Variants in YTHDC2 observed in about 807,000 individuals in gnomAD.
YTHDC2 encodes YTH N6-methyladenosine RNA binding protein C2.
Under a neutral mutation model 174.9 loss-of-function variants are expected in YTHDC2, and 45 were observed. That is an observed-to-expected ratio of 0.26 (90% CI 0.20 to 0.33). The LOEUF is 0.33. Among genes scored for constraint, YTHDC2 ranks in the 10% least tolerant of loss-of-function variants. The pLI, the probability that YTHDC2 is intolerant of heterozygous loss-of-function variation, is 1.00. For missense variants in YTHDC2, 1,650 were observed against 1,723.7 expected, an observed-to-expected ratio of 0.96 and a Z score of 0.76; for synonymous variants, 657 against 574.5, an observed-to-expected ratio of 1.14 and a Z score of -2.05.
chr5:113,540,910 A>G (rs926653210), intron 8 of YTHDC2, 58 bp from the exon 9 acceptor site: 4 of 1,520,982 alleles, frequency 2.6e-6, no homozygotes, highest in Middle Eastern at 1.8e-4. Flanking sequence ...AAACAAAGGA[A>G]TACATTTCAA....
At chr5:113,542,001 TG>T (rs1239713217) in intron 9 of YTHDC2, among the ~76,000 whole-genome samples, 1 of 152,160 alleles carries the variant, frequency 6.6e-6, no homozygotes, top group Non-Finnish European at 1.5e-5. Context: ...GCACTTGCTC[TG>T]GGGTGGGACC....
intron 10 of YTHDC2, among the ~76,000 whole-genome samples, chr5:113,543,263 C>T (rs1007756181): frequency 6.6e-6 from 1 of 152,204 alleles, no homozygotes; most frequent in Non-Finnish European, 1.5e-5. Flanking sequence ...CCCCTCCCTA[C>T]GTACCTTCCT....
intron 28 of YTHDC2, 179 bp downstream of exon 28, chr5:113,592,357 C>T: frequency 2.0e-6 from 1 of 511,880 alleles, no homozygotes. Context: ...TGTCTGATTG[C>T]TCCTTGCAGT....
In YTHDC2 at chr5:113,524,098, A is replaced by G. The variant is rs116281231; in HGVS notation, c.279-883A>G. On this transcript the variant is annotated intron_variant, in intron 2 of 29. Transcript: ENST00000161863. Reference sequence around the variant, plus strand: ...TATATATTACTATTGTGTTGGGCTCAGAGCCATTAAGTAGTTTACCTGTAG... The same window carrying G: ...TATATATTACTATTGTGTTGGGCTCGGAGCCATTAAGTAGTTTACCTGTAG... Among the ~76,000 whole-genome samples, 833 of 152,298 alleles carry G rather than the reference A, an allele frequency of 5.5e-3. 2 individuals carry two copies. Among genetic ancestry groups the G allele is most frequent in the African/African-American group, 0.018 (758 of 41,578 alleles).
chr5:113,585,844 T>C (rs1778650211), intron 26 of YTHDC2, among the ~76,000 whole-genome samples: 1 of 151,816 alleles, frequency 6.6e-6, no homozygotes, highest in African/African-American at 2.4e-5. Flanking sequence ...AATTACTGAG[T>C]AGTATTCCAT....
intron 23 of YTHDC2, among the ~76,000 whole-genome samples, chr5:113,568,965 TAGTGTAATTTAATTACACAGTAGTGTAAA>T (rs1777538379): frequency 6.6e-6 from 1 of 152,190 alleles, no homozygotes. Flanking sequence ...TAATTTACAC[TAGTGTAATTTAATTACACAGTAGTGTAAA>T]AGTGTTCCTT....
Position 113,513,921 on chromosome 5 carries a change from C to A in YTHDC2, c.26C>A (p.Pro9Gln), listed in dbSNP as rs775318167. 4 of 1,605,576 alleles carry A rather than the reference C, an allele frequency of 2.5e-6. No individual in the cohort carries two copies. The African/African-American group carries it at 5.4e-5, about 21-fold the overall frequency. The change falls in exon 1 of 30, where the codon CCG becomes CAG. Residue 9 changes from proline to glutamine, a missense_variant. Pro to Gln is a moderately conservative substitution (Grantham distance 76, BLOSUM62 -1). Coordinates refer to ENST00000161863, the MANE Select transcript of YTHDC2 (RefSeq NM_022828.5). ...ATGTCCAGGCCGAGCAGCGTCTCCCCGCGGCAGCCGGCTCCTGGCGGTGGC... is the reference window on the plus strand; with the variant it reads ...ATGTCCAGGCCGAGCAGCGTCTCCCAGCGGCAGCCGGCTCCTGGCGGTGGC... MSRPSSVS[P>Q]RQPAPGGGGG... is the part of the protein sequence containing the mutation.
intron 20 of YTHDC2, among the ~76,000 whole-genome samples, chr5:113,565,477 C>A (rs1286890343): frequency 6.6e-6 from 1 of 152,104 alleles, no homozygotes; most frequent in African/African-American, 2.4e-5. Context: ...TTATAGAAAT[C>A]CTACTTTCCA....
rs1773178737 is a variant in YTHDC2, at chr5:113,513,766, T to A, written c.-130T>A. 8.1e-6 allele frequency: 8 copies of A among 992,142 alleles called. No individual in the cohort carries two copies. Among genetic ancestry groups the A allele is most frequent in the Non-Finnish European group, 1.4e-6 (1 of 711,434 alleles). The allele number at this position is 992,142 out of a possible 1,614,324, so 61.5% of individuals were successfully genotyped here. ...GTGGCGGTGACTGAGGCCTTTCTGGTGACCTCAGCCCAACACAGGCCGTCT... is the reference window on the plus strand; with the variant it reads ...GTGGCGGTGACTGAGGCCTTTCTGGAGACCTCAGCCCAACACAGGCCGTCT... On this transcript the variant is annotated 5_prime_UTR_variant, in exon 1 of 30. Coordinates refer to ENST00000161863, the MANE Select transcript of YTHDC2 (RefSeq NM_022828.5).
At chr5:113,585,480 C>T (rs899224922) in intron 26 of YTHDC2, among the ~76,000 whole-genome samples, 5 of 151,962 alleles carry the variant, frequency 3.3e-5, no homozygotes, top group Non-Finnish European at 5.9e-5. Context: ...TATTTATACA[C>T]CTTTATTAAG....
chr5:113,554,100 T>C, intron 16 of YTHDC2, 78 bp downstream of exon 16: 2 of 1,255,052 alleles, frequency 1.6e-6, no homozygotes, highest in Non-Finnish European at 2.1e-6. Flanking sequence ...TATTTATTAT[T>C]TAGTTGTTTT....
chr5:113,525,814 A>G (rs1054017368), intron 3 of YTHDC2, among the ~76,000 whole-genome samples: 3 of 152,182 alleles, frequency 2.0e-5, no homozygotes, highest in Admixed American at 1.3e-4. Flanking sequence ...CTATAGTGAT[A>G]AAATTTACAT....
chr5:113,575,369 G>A (rs956342209), intron 23 of YTHDC2, among the ~76,000 whole-genome samples: 2 of 152,140 alleles, frequency 1.3e-5, no homozygotes, highest in Non-Finnish European at 2.9e-5. Context: ...AGTAGTGAGG[G>A]TAGACAGACA....
rs775277024 is a variant in YTHDC2, at chr5:113,593,333, C to T, written c.4243C>T (p.Leu1415Phe). ...ELEPLVGEQL[L>F]QLWERLPLGE... Reference sequence around the variant, plus strand: ...AGAACCTCTGGTTGGTGAACAGTTGCTCCAGTTATGGGAACGTCTTCCCTT... The same window carrying T: ...AGAACCTCTGGTTGGTGAACAGTTGTTCCAGTTATGGGAACGTCTTCCCTT... Residue 1415 changes from leucine to phenylalanine, a missense_variant, in exon 29 of 30, where the codon CTC becomes TTC. Physicochemically the swap from Leu to Phe is conservative, Grantham distance 22. This residue lies in a region of YTHDC2 where 913 missense variants were observed against 940.4 expected (regional missense o/e 0.97). Coordinates refer to ENST00000161863, the MANE Select transcript of YTHDC2 (RefSeq NM_022828.5). The T allele has an allele frequency of 6.2e-7, 1 of 1,612,586 alleles. No homozygotes were observed. Among genetic ancestry groups the T allele is most frequent in the Non-Finnish European group, 8.5e-7 (1 of 1,179,106 alleles).
At chr5:113,551,847 TAAGA>T (rs1776272058) in intron 12 of YTHDC2, among the ~76,000 whole-genome samples, 2 of 152,170 alleles carry the variant, frequency 1.3e-5, no homozygotes, top group African/African-American at 4.8e-5. Flanking sequence ...CTAAATTCTT[TAAGA>T]GAGATTGGAT....
chr5:113,558,581 A>G (rs1012246668), intron 17 of YTHDC2, among the ~76,000 whole-genome samples: 6 of 152,190 alleles, frequency 3.9e-5, no homozygotes, highest in Non-Finnish European at 8.8e-5. Context: ...CAGTAGTGCC[A>G]TAGTCAGATA....
At chr5:113,537,686 A>AT (rs923658469) in intron 7 of YTHDC2, among the ~76,000 whole-genome samples, 4 of 150,292 alleles carry the variant, frequency 2.7e-5, no homozygotes, top group Non-Finnish European at 5.9e-5. Flanking sequence ...CTGGGCTTCT[A>AT]TTTTTTCTTT....
At chr5:113,557,091 C>T (rs1776658423) in intron 17 of YTHDC2, among the ~76,000 whole-genome samples, 1 of 152,004 alleles carries the variant, frequency 6.6e-6, no homozygotes. Context: ...TGTATTTTGA[C>T]ACAAATGCAT....
At chr5:113,529,681 T>G (rs1196036405) in intron 4 of YTHDC2, among the ~76,000 whole-genome samples, 2 of 152,148 alleles carry the variant, frequency 1.3e-5, no homozygotes, top group Non-Finnish European at 2.9e-5. Flanking sequence ...ATTTTTATTC[T>G]TTTTGGCTTA....
Sources: allele counts gnomAD v4.1 joint callset (sites outside exome capture counted in the v4.1 genomes callset), GRCh38; gene constraint gnomAD v4.1.1; regional missense constraint gnomAD v4.1.1; transcripts MANE v1.5; gene names NCBI Gene and HGNC (gene_info 2026-07-23, HGNC 2026-07-21).